Variants in UVRAG observed in about 807,000 individuals in gnomAD.
The protein encoded by UVRAG is UV radiation resistance-associated gene protein.
Under a neutral mutation model 78.0 loss-of-function variants are expected in UVRAG, and 19 were observed. That is an observed-to-expected ratio of 0.24 (90% CI 0.17 to 0.36). The LOEUF (loss-of-function observed/expected upper bound fraction) is 0.36, where lower values mean the gene tolerates loss of function less well. Ranked by LOEUF, UVRAG falls within the 10% of genes least tolerant of loss-of-function variation. UVRAG has a pLI of 1.00. For missense variants in UVRAG, 740 were observed against 853.8 expected, an observed-to-expected ratio of 0.87 and a Z score of 1.66; for synonymous variants, 323 against 324.6, an observed-to-expected ratio of 1.00 and a Z score of 0.05.
chr11:76,024,631 G>A (rs528551769), intron 12 of UVRAG, among the ~76,000 whole-genome samples: 22 of 152,072 alleles, frequency 1.4e-4, no homozygotes, highest in Non-Finnish European at 2.8e-4. Context: ...AATTGATGCT[G>A]TCTTAGATTT....
chr11:75,925,775 C>T (rs1168627530), intron 6 of UVRAG, among the ~76,000 whole-genome samples: 1 of 152,118 alleles, frequency 6.6e-6, no homozygotes, highest in African/African-American at 2.4e-5. Context: ...CAGTTAAATG[C>T]TAAAAGTTAG....
chr11:76,115,880 T>C, intron 13 of UVRAG, 44 bp from the exon 14 acceptor site: 1 of 1,588,778 alleles, frequency 6.3e-7, no homozygotes, highest in Non-Finnish European at 8.6e-7. Context: ...CCGAAGCTTA[T>C]AATCTGCCAA....
At chr11:76,116,330 C>T (rs1437702108) in intron 14 of UVRAG, among the ~76,000 whole-genome samples, 1 of 152,164 alleles carries the variant, frequency 6.6e-6, no homozygotes, top group Non-Finnish European at 1.5e-5. Context: ...GTAAGGGAGA[C>T]CCAGAGCCCC....
At chr11:76,007,664 A>T in intron 10 of UVRAG, 43 bp downstream of exon 10, 4 of 1,484,128 alleles carry the variant, frequency 2.7e-6, no homozygotes, top group African/African-American at 1.4e-5. Context: ...TTTTGAAAAG[A>T]TGATTTCTGT....
intron 1 of UVRAG, among the ~76,000 whole-genome samples, chr11:75,841,849 A>G (rs1048856470): frequency 6.6e-6 from 1 of 152,218 alleles, no homozygotes; most frequent in African/African-American, 2.4e-5. Context: ...CTATTACTCC[A>G]TAACAAACAA....
At chr11:76,094,478 C>T (rs541447586) in intron 13 of UVRAG, among the ~76,000 whole-genome samples, 65 of 152,226 alleles carry the variant, frequency 4.3e-4, no homozygotes, top group East Asian at 2.7e-3. Context: ...GCTGTGAATC[C>T]GTCTGGTCCT....
At chr11:75,842,097 C>G (rs1945925849) in intron 1 of UVRAG, among the ~76,000 whole-genome samples, 1 of 152,190 alleles carries the variant, frequency 6.6e-6, no homozygotes, top group Non-Finnish European at 1.5e-5. Context: ...AGTATAGTCA[C>G]TGGGTTCCAA....
chr11:75,860,384 C>A (rs1484110271), intron 2 of UVRAG, among the ~76,000 whole-genome samples: 1 of 152,202 alleles, frequency 6.6e-6, no homozygotes, highest in Non-Finnish European at 1.5e-5. Context: ...AAGGGATTAT[C>A]TTTCTTGTGT....
intron 5 of UVRAG, among the ~76,000 whole-genome samples, chr11:75,899,824 A>G (rs1410663024): frequency 6.6e-6 from 1 of 152,254 alleles, no homozygotes; most frequent in Admixed American, 6.5e-5. Flanking sequence ...TGCAATGCCC[A>G]TGAGACCATC....
intron 3 of UVRAG, among the ~76,000 whole-genome samples, chr11:75,862,103 GAA>G: frequency 6.6e-6 from 1 of 151,998 alleles, no homozygotes; most frequent in Non-Finnish European, 1.5e-5. Context: ...AATAAAAAAA[GAA>G]AAAAATATTT....
intron 8 of UVRAG, among the ~76,000 whole-genome samples, chr11:75,999,506 G>A (rs528469668): frequency 6.6e-6 from 1 of 151,630 alleles, no homozygotes; most frequent in African/African-American, 2.4e-5. Context: ...TCAGCCTCCC[G>A]AGTAGCTGGG....
chr11:75,959,328 TTGA>T (rs1565399299), intron 6 of UVRAG, among the ~76,000 whole-genome samples: 1 of 152,230 alleles, frequency 6.6e-6, no homozygotes, highest in Non-Finnish European at 1.5e-5. Context: ...ACCACCTTCA[TTGA>T]TGATCTTAGC....
At chr11:76,055,930 C>T (rs533719381) in intron 12 of UVRAG, among the ~76,000 whole-genome samples, 1 of 152,134 alleles carries the variant, frequency 6.6e-6, no homozygotes, top group African/African-American at 2.4e-5. Flanking sequence ...AGGATGGTCT[C>T]GATCTCCTGA....
chr11:76,000,315 A>G (rs995513453), intron 8 of UVRAG, among the ~76,000 whole-genome samples: 2 of 152,228 alleles, frequency 1.3e-5, no homozygotes, highest in East Asian at 3.8e-4. Flanking sequence ...ATAAAGGTAG[A>G]TATATTCCCA....
intron 13 of UVRAG, among the ~76,000 whole-genome samples, chr11:76,069,543 A>G (rs1378818094): frequency 6.6e-6 from 1 of 152,264 alleles, no homozygotes; most frequent in African/African-American, 2.4e-5. Flanking sequence ...TAGAATTTGT[A>G]TAGAGAACAG....
intron 12 of UVRAG, among the ~76,000 whole-genome samples, chr11:76,039,790 G>A (rs370567150): frequency 1.5e-4 from 23 of 152,316 alleles, no homozygotes; most frequent in African/African-American, 4.3e-4. Flanking sequence ...CAGGAGGATC[G>A]CTTGAACCCA....
At chr11:75,997,485 T>C (rs1431281369) in intron 8 of UVRAG, among the ~76,000 whole-genome samples, 1 of 152,244 alleles carries the variant, frequency 6.6e-6, no homozygotes, top group African/African-American at 2.4e-5. Context: ...CATTGATATA[T>C]GCCTGGACAG....
At chr11:76,044,795 G>GA (rs556568669) in intron 12 of UVRAG, among the ~76,000 whole-genome samples, 2 of 151,728 alleles carry the variant, frequency 1.3e-5, no homozygotes, top group Non-Finnish European at 2.9e-5. Context: ...AAAAAAGAAA[G>GA]AAAAAAAATT....
intron 13 of UVRAG, among the ~76,000 whole-genome samples, chr11:76,086,543 A>T (rs1032216412): frequency 7.2e-5 from 11 of 152,196 alleles, no homozygotes; most frequent in African/African-American, 2.7e-4. Flanking sequence ...AACATGATGT[A>T]GTAGACTAGG....
Sources: allele counts gnomAD v4.1 joint callset (sites outside exome capture counted in the v4.1 genomes callset), GRCh38; gene constraint gnomAD v4.1.1; transcripts MANE v1.5; gene names NCBI Gene and HGNC (gene_info 2026-07-23, HGNC 2026-07-21).